The following SLC1A1 variants were observed in gnomAD, a reference collection of about 807,000 sequenced individuals.
SLC1A1 encodes excitatory amino acid transporter 3.
In SLC1A1, 43 loss-of-function variants were observed where a neutral mutation model predicts 53.3. That is an observed-to-expected ratio of 0.81 (90% confidence interval 0.63 to 1.04). The LOEUF is 1.04. SLC1A1 is among the 50% of genes least tolerant of loss of function. The pLI is 0.00. For missense variants in SLC1A1, 748 were observed against 664.9 expected (o/e 1.12, Z -1.37); for synonymous variants, 307 against 243.2 (o/e 1.26, Z -2.44).
At chr9:4,557,374 T>C (rs968946947) in intron 2 of SLC1A1, among the ~76,000 whole-genome samples, 5 of 152,236 alleles carry the variant, frequency 3.3e-5, no homozygotes, top group African/African-American at 9.6e-5. Context: ...AGTTAAGCTA[T>C]AGTTTGTTCA....
In SLC1A1 at chr9:4,583,669, G is replaced by A. The variant is rs572558072; in HGVS notation, c.1328+497G>A. 6.6e-6 allele frequency among the ~76,000 whole-genome samples: 1 copy of A among 152,274 alleles called. No individual in the cohort carries two copies. The highest frequency in any genetic ancestry group is 2.4e-5 in the African/African-American group (1 of 41,546). On this transcript the variant is annotated intron_variant, in intron 11 of 11. Coordinates refer to ENST00000262352, the MANE Select transcript of SLC1A1 (RefSeq NM_004170.6). This position sits in a 1 kb window ranked among gnomAD's most constrained non-coding sequence, Gnocchi z 4.6. ...GCAAGTTTCCTTAACCTGAGGCCCA[G>A]TTGCATAATCTGTGAGATGGGAAAA...
intron 1 of SLC1A1, among the ~76,000 whole-genome samples, chr9:4,516,817 A>T (rs567158482): frequency 6.6e-6 from 1 of 152,320 alleles, no homozygotes; most frequent in South Asian, 2.1e-4. Flanking sequence ...AAGGGAACTT[A>T]GGGTCAGAGA....
chr9:4,538,085 T>C (rs1024742496), intron 1 of SLC1A1, among the ~76,000 whole-genome samples: 11 of 152,132 alleles, frequency 7.2e-5, no homozygotes, highest in African/African-American at 1.7e-4. Flanking sequence ...ATATAGTATG[T>C]GTTTAGTATA....
At chr9:4,568,879 A>G (rs145384163) in intron 6 of SLC1A1, among the ~76,000 whole-genome samples, 234 of 152,280 alleles carry the variant, frequency 1.5e-3, no homozygotes, top group African/African-American at 5.1e-3. Flanking sequence ...AACAATCTAT[A>G]TGAAACAAGG....
intron 1 of SLC1A1, among the ~76,000 whole-genome samples, chr9:4,533,358 G>C (rs898928946): frequency 6.6e-6 from 1 of 152,138 alleles, no homozygotes; most frequent in African/African-American, 2.4e-5. Context: ...AAAATAAAGG[G>C]ATGGAGGAAG....
rs976537451 is a variant in SLC1A1 at position 4,490,751 on chromosome 9, C to A, written c.72C>A (p.Thr24=). ...FLKNNWVLLS[T]VAAVVLGITT... ...AGAATAACTGGGTGTTGCTGTCCAC[C>A]GTGGCCGCGGTGGTGCTAGGTGAGC... Residue 24 remains threonine, a synonymous_variant, in exon 1 of 12, where the codon ACC becomes ACA. Coordinates refer to ENST00000262352, the MANE Select transcript of SLC1A1 (RefSeq NM_004170.6). 2 of 1,612,458 alleles carry A rather than the reference C, an allele frequency of 1.2e-6. No homozygotes were observed. The highest frequency in any genetic ancestry group is 1.7e-5 in the Admixed American group (1 of 59,954).
chr9:4,535,047 G>A (rs1056696958), intron 1 of SLC1A1, among the ~76,000 whole-genome samples: 1 of 152,078 alleles, frequency 6.6e-6, no homozygotes, highest in South Asian at 2.1e-4. Flanking sequence ...AGGTATTGAT[G>A]GGACGTATCT....
At chr9:4,539,568 CTTAT>C (rs576460071) in intron 1 of SLC1A1, among the ~76,000 whole-genome samples, 6 of 151,914 alleles carry the variant, frequency 3.9e-5, no homozygotes, top group South Asian at 2.1e-4. Context: ...GTTTTACCAA[CTTAT>C]TTATTTATTT....
Position 4,572,262 on chromosome 9 carries a change from G to A in SLC1A1, c.641G>A (p.Gly214Asp). Reference sequence around the variant, plus strand: ...TATTCAGATGGCATAAACGTCCTGGGCTTGATTGTCTTTTGCCTTGTCTTT... The same window carrying A: ...TATTCAGATGGCATAAACGTCCTGGACTTGATTGTCTTTTGCCTTGTCTTT... The part of the protein sequence containing the change: ...GMYSDGINVL[G>D]LIVFCLVFGL... Residue 214 changes from glycine to aspartate, a missense_variant, in exon 7 of 12, where the codon GGC becomes GAC. By Grantham distance (94) the Gly-to-Asp change is moderately conservative. Coordinates refer to ENST00000262352, the MANE Select transcript of SLC1A1 (RefSeq NM_004170.6). 6.2e-7 allele frequency: 1 copy of A among 1,614,118 alleles called. No individual in the cohort carries two copies. The highest frequency in any genetic ancestry group is 8.5e-7 in the Non-Finnish European group (1 of 1,180,014).
rs3038452 is a variant in SLC1A1, at chr9:4,586,213, CTA to C, written c.*671_*672del. 352 of 146,772 alleles carry C rather than the reference CTA, an allele frequency of 2.4e-3. No individual in the cohort carries two copies. The highest frequency in any genetic ancestry group is 6.5e-3 in the African/African-American group (260 of 40,196). The allele number at this position is 146,772 out of a possible 1,614,324, so 9.1% of individuals were successfully genotyped here. A position where few individuals can be genotyped will look rare whatever the true frequency, so the allele number is the denominator to read the frequency against. ...TGTTAACCCAGTGTTCAGCATAGAG[CTA>C]TATATATATATATATGTATATATTT... On this transcript the variant is annotated 3_prime_UTR_variant, in exon 12 of 12. Coordinates refer to ENST00000262352, the MANE Select transcript of SLC1A1 (RefSeq NM_004170.6).
chr9:4,509,201 C>T (rs746576914), intron 1 of SLC1A1, among the ~76,000 whole-genome samples: 21 of 152,024 alleles, frequency 1.4e-4, no homozygotes, highest in Non-Finnish European at 2.5e-4. Context: ...AAGCATGGAG[C>T]ATCTTTAAGA....
intron 1 of SLC1A1, among the ~76,000 whole-genome samples, chr9:4,506,352 T>G (rs1421964613): frequency 6.6e-6 from 1 of 152,202 alleles, no homozygotes; most frequent in African/African-American, 2.4e-5. Context: ...ATGGTTGTGT[T>G]TGGGCTTTGT....
intron 2 of SLC1A1, 24 bp from the exon 3 acceptor site, chr9:4,561,425 A>C (rs374923845): frequency 7.1e-6 from 10 of 1,411,380 alleles, no homozygotes; most frequent in Non-Finnish European, 1.0e-5. Context: ...AATTAATGTA[A>C]TTTGATTTCT....
intron 2 of SLC1A1, among the ~76,000 whole-genome samples, chr9:4,546,685 T>G (rs1003366304): frequency 2.0e-5 from 3 of 152,210 alleles, no homozygotes; most frequent in South Asian, 2.1e-4. Flanking sequence ...TTTTTAAACA[T>G]GGGGTCTTGA....
At chr9:4,516,820 G>T (rs1042473080) in intron 1 of SLC1A1, among the ~76,000 whole-genome samples, 8 of 152,146 alleles carry the variant, frequency 5.3e-5, no homozygotes, top group Admixed American at 4.6e-4. Flanking sequence ...GGAACTTAGG[G>T]TCAGAGAAGT....
intron 10 of SLC1A1, among the ~76,000 whole-genome samples, chr9:4,578,686 T>C (rs577594327): frequency 6.6e-6 from 1 of 152,334 alleles, no homozygotes; most frequent in African/African-American, 2.4e-5. Context: ...CCCAAGTAGA[T>C]GGTAGAACTG....
intron 1 of SLC1A1, among the ~76,000 whole-genome samples, chr9:4,493,141 A>G (rs913991): frequency 0.39 from 59,839 of 152,074 alleles, 13,196 homozygotes; most frequent in Non-Finnish European, 0.49. Context: ...TCCAGAAAGG[A>G]AAGTCACCAC....
intron 1 of SLC1A1, among the ~76,000 whole-genome samples, chr9:4,517,161 T>G (rs1821188846): frequency 6.6e-6 from 1 of 152,214 alleles, no homozygotes. Context: ...CTTCTTCCCC[T>G]GCCCCTCTGT....
chr9:4,531,958 A>G (rs1309117035), intron 1 of SLC1A1, among the ~76,000 whole-genome samples: 3 of 152,148 alleles, frequency 2.0e-5, no homozygotes, highest in Non-Finnish European at 4.4e-5. Context: ...TCTGGAGTGG[A>G]CCTCAAGCAA....
Sources: allele counts gnomAD v4.1 joint callset (sites outside exome capture counted in the v4.1 genomes callset), GRCh38; gene constraint gnomAD v4.1.1; non-coding constraint Gnocchi (gnomAD v3.1); transcripts MANE v1.5; gene names NCBI Gene and HGNC (gene_info 2026-07-23, HGNC 2026-07-21).